CELF2: variants seen among roughly 807,000 people sequenced by gnomAD.
CELF2 encodes the protein CUGBP Elav-like family member 2.
CELF2 carries 8 observed loss-of-function variants against 62.6 expected under a neutral mutation model. That is an observed-to-expected ratio of 0.13 (90% CI 0.07 to 0.23). CELF2 has a LOEUF of 0.23. CELF2 is among the 10% of genes least tolerant of loss of function. The pLI is 1.00. For missense variants in CELF2, 333 were observed against 671.0 expected, an observed-to-expected ratio of 0.50 and a Z score of 5.56; for synonymous variants, 258 against 250.0, an observed-to-expected ratio of 1.03 and a Z score of -0.30.
chr10:11,040,717 A>G (rs1367714683), intron 1 of CELF2, among the ~76,000 whole-genome samples: 1 of 149,902 alleles, frequency 6.7e-6, no homozygotes, highest in African/African-American at 2.5e-5. Context: ...ATGATTTTTT[A>G]TTTCCCTTTG....
chr10:11,257,543 G>A (rs1219929380), intron 4 of CELF2, 195 bp from the exon 5 acceptor site: 1 of 564,772 alleles, frequency 1.8e-6, no homozygotes, highest in Admixed American at 3.0e-5. Context: ...GATGGGTTCA[G>A]GAAGCACCAG....
At chr10:10,640,136 C>T in the CELF2 span, among the ~76,000 whole-genome samples, 1 of 152,166 alleles carries the variant, frequency 6.6e-6, no homozygotes, top group African/African-American at 2.4e-5. Flanking sequence ...AACACTATTC[C>T]TTATGTCTTT....
chr10:11,259,876 T>G (rs34207619), intron 5 of CELF2, among the ~76,000 whole-genome samples: 2 of 152,252 alleles, frequency 1.3e-5, no homozygotes, highest in Non-Finnish European at 2.9e-5. Context: ...GATCATATTT[T>G]TGTGATTCCT....
rs150638870 is a variant in CELF2, at chr10:11,217,372, T to A, written c.272-53T>A. 340 of 1,295,816 alleles carry A rather than the reference T, an allele frequency of 2.6e-4. No individual in the cohort carries two copies. The African/African-American group carries it at 4.8e-3, about 18-fold the overall frequency. 80.3% of individuals were successfully genotyped at this position (1,295,816 alleles called of 1,614,324 possible). A position where few individuals can be genotyped will look rare whatever the true frequency, so the allele number is the denominator to read the frequency against. On this transcript the variant is annotated intron_variant, in intron 2 of 12. Transcript: ENST00000633077. This position sits in a 1 kb window ranked among gnomAD's most constrained non-coding sequence, Gnocchi z 5.6. The stretch of plus-strand genomic sequence containing the variant: ...TTTGTTCGCCACAGTCTCCATTATA[T>A]CTAAGCAAAGCATTCACAGAAATTT...
At chr10:10,795,193 C>T (rs2054068871), upstream of CELF2, among the ~76,000 whole-genome samples, 1 of 150,110 alleles carries the variant, frequency 6.7e-6, no homozygotes, top group African/African-American at 2.5e-5. Flanking sequence ...AGACTTGTTG[C>T]TGGTACTATC....
the CELF2 span, among the ~76,000 whole-genome samples, chr10:10,747,646 C>T: frequency 2.0e-5 from 3 of 152,026 alleles, no homozygotes; most frequent in Admixed American, 1.3e-4. Context: ...TAAAAAAGGG[C>T]CAATGGCAGG....
chr10:11,064,051 C>T (rs1367696991), intron 1 of CELF2, among the ~76,000 whole-genome samples: 1 of 152,174 alleles, frequency 6.6e-6, no homozygotes. Context: ...GGGTCTGCTG[C>T]GTGTCAGGCA....
In CELF2 at chr10:10,840,425, ATTG is replaced by A. The variant is rs565683239; in HGVS notation, c.53+41614_53+41616del. Reference sequence around the variant, plus strand: ...TCTAGTAGGTATTTAGTGGTATCTCATTGTTGTTTAAATTGTCATTTCCCAAGT... The same window carrying A: ...TCTAGTAGGTATTTAGTGGTATCTCATTGTTTAAATTGTCATTTCCCAAGT... On this transcript the variant is annotated intron_variant, in intron 1 of 13. Coordinates refer to the CELF2 transcript ENST00000636488. Among the ~76,000 whole-genome samples the A allele has an allele frequency of 1.8e-4, 27 of 152,174 alleles. No individual in the cohort carries two copies. The East Asian group carries it at 5.2e-3, about 29-fold the overall frequency.
chr10:11,124,363 G>A (rs369104210), intron 1 of CELF2, among the ~76,000 whole-genome samples: 2 of 152,132 alleles, frequency 1.3e-5, no homozygotes, highest in East Asian at 3.8e-4. Context: ...CTGTTCATGA[G>A]CCTTTTTTGA....
At chr10:11,180,352 C>A (rs778898459) in intron 2 of CELF2, among the ~76,000 whole-genome samples, 11 of 152,184 alleles carry the variant, frequency 7.2e-5, no homozygotes, top group Admixed American at 2.0e-4. Context: ...CCTCCACCAC[C>A]GCTTCTGTGA....
At chr10:11,303,083 C>T (rs542452442) in intron 9 of CELF2, among the ~76,000 whole-genome samples, 4 of 152,210 alleles carry the variant, frequency 2.6e-5, no homozygotes, top group Admixed American at 2.6e-4. Flanking sequence ...GGTGGCCCAG[C>T]GGAAACTTCT....
At chr10:10,755,100 G>A in the CELF2 span, among the ~76,000 whole-genome samples, 2 of 152,082 alleles carry the variant, frequency 1.3e-5, no homozygotes, top group African/African-American at 4.8e-5. Context: ...AAACTTGAAA[G>A]GGAGAAAAAA....
the CELF2 span, among the ~76,000 whole-genome samples, chr10:10,737,123 T>A: frequency 1.3e-5 from 2 of 152,196 alleles, no homozygotes; most frequent in South Asian, 2.1e-4. Flanking sequence ...GAAAAAAGTA[T>A]AAGTCTTGGC....
intron 9 of CELF2, among the ~76,000 whole-genome samples, chr10:11,312,675 C>G (rs936774259): frequency 6.6e-6 from 1 of 152,224 alleles, no homozygotes; most frequent in Non-Finnish European, 1.5e-5. Flanking sequence ...GAGGCTCACA[C>G]CTGTAATCCC....
At chr10:10,524,739 A>T in the CELF2 span, among the ~76,000 whole-genome samples, 1 of 152,086 alleles carries the variant, frequency 6.6e-6, no homozygotes, top group Non-Finnish European at 1.5e-5. Flanking sequence ...TTGATTGAGC[A>T]TGTTCTTTTG....
the CELF2 span, among the ~76,000 whole-genome samples, chr10:10,746,034 C>T: frequency 4.6e-5 from 7 of 152,302 alleles, no homozygotes; most frequent in Non-Finnish European, 1.0e-4. Context: ...TTAGCTTCTG[C>T]CTTTGTCATT....
intron 1 of CELF2, among the ~76,000 whole-genome samples, chr10:10,802,857 T>A (rs2054811483): frequency 6.6e-6 from 1 of 152,184 alleles, no homozygotes; most frequent in Non-Finnish European, 1.5e-5. Context: ...CTCAGTCCAA[T>A]TGCATGCCTT....
At chr10:11,054,067 A>G (rs532785285) in intron 1 of CELF2, among the ~76,000 whole-genome samples, 1 of 152,250 alleles carries the variant, frequency 6.6e-6, no homozygotes, top group Non-Finnish European at 1.5e-5. Flanking sequence ...TATAATTTCC[A>G]GTATCTTTAG....
At chr10:10,476,937 C>T in the CELF2 span, among the ~76,000 whole-genome samples, 33 of 152,092 alleles carry the variant, frequency 2.2e-4, no homozygotes, top group African/African-American at 7.0e-4. Flanking sequence ...AAAAAGTGAT[C>T]CTTTGGTAAC....
Sources: gnomAD v4.1 joint callset for allele counts (sites outside exome capture counted in the v4.1 genomes callset) on GRCh38, gnomAD v4.1.1 for gene constraint, Gnocchi (gnomAD v3.1) non-coding constraint, MANE v1.5 for transcripts, NCBI Gene and HGNC (gene_info 2026-07-23, HGNC 2026-07-21) for gene names.